ACOXL: variants seen among roughly 807,000 people sequenced by gnomAD.
ACOXL encodes acyl-CoA oxidase like.
ACOXL carries 70 observed loss-of-function variants against 71.9 expected under a neutral mutation model. The ratio of observed to expected loss-of-function variants is 0.97; its 90% CI spans 0.80 to 1.19. The LOEUF (loss-of-function observed/expected upper bound fraction) is 1.19, where lower values mean the gene tolerates loss of function less well. Ranked by LOEUF, ACOXL falls within the 50% of genes most tolerant of loss-of-function variation. ACOXL has a pLI of 0.00. For missense variants in ACOXL, 703 were observed against 736.3 expected (o/e 0.95, Z 0.52); for synonymous variants, 253 against 281.6 (o/e 0.90, Z 1.02).
intron 12 of ACOXL, among the ~76,000 whole-genome samples, chr2:110,952,612 A>G (rs1044542482): frequency 1.3e-5 from 2 of 151,972 alleles, no homozygotes; most frequent in African/African-American, 4.8e-5. Context: ...ATGCCCAGCT[A>G]ATTTTTAAAA....
chr2:110,750,660 T>C (rs1678816313), intron 1 of ACOXL, among the ~76,000 whole-genome samples: 1 of 149,516 alleles, frequency 6.7e-6, no homozygotes. Context: ...TATTTGTGTG[T>C]GTATGTGTAT....
At chr2:111,048,493 A>AG (rs1218363023) in intron 15 of ACOXL, among the ~76,000 whole-genome samples, 1 of 152,206 alleles carries the variant, frequency 6.6e-6, no homozygotes, top group African/African-American at 2.4e-5. Context: ...AGCCTACAGG[A>AG]GGGCAGTCTG....
chr2:110,896,151 G>T (rs1426148285), intron 10 of ACOXL, among the ~76,000 whole-genome samples: 1 of 152,080 alleles, frequency 6.6e-6, no homozygotes, highest in Non-Finnish European at 1.5e-5. Flanking sequence ...GTTTGAACTG[G>T]TAAAATTCTG....
chr2:110,806,287 G>C (rs1165727408), intron 9 of ACOXL, among the ~76,000 whole-genome samples: 1 of 152,234 alleles, frequency 6.6e-6, no homozygotes, highest in Non-Finnish European at 1.5e-5. Flanking sequence ...CGCGTACGCG[G>C]CCTGGCCTCG....
intron 14 of ACOXL, among the ~76,000 whole-genome samples, chr2:111,020,335 A>G (rs1432712883): frequency 6.6e-6 from 1 of 152,128 alleles, no homozygotes; most frequent in East Asian, 1.9e-4. Flanking sequence ...GCAGCATGTC[A>G]AAAGTTTCTG....
At chr2:110,986,695 G>A (rs879860112) in intron 12 of ACOXL, among the ~76,000 whole-genome samples, 1 of 152,154 alleles carries the variant, frequency 6.6e-6, no homozygotes, top group Admixed American at 6.5e-5. Flanking sequence ...GATAGAGATT[G>A]TTTTATTTGT....
At chr2:110,733,746 A>G (rs1023241421) in intron 1 of ACOXL, among the ~76,000 whole-genome samples, 1 of 152,028 alleles carries the variant, frequency 6.6e-6, no homozygotes, top group African/African-American at 2.4e-5. Flanking sequence ...TTGAAAAGTG[A>G]GAAGTGTGGG....
At chr2:111,110,797 T>G (rs1185660098) in intron 17 of ACOXL, among the ~76,000 whole-genome samples, 1 of 152,252 alleles carries the variant, frequency 6.6e-6, no homozygotes. Flanking sequence ...TTGTTCAGAT[T>G]CTTCAGTTTG....
intron 17 of ACOXL, among the ~76,000 whole-genome samples, chr2:111,115,801 T>C (rs4627572): frequency 0.44 from 66,517 of 152,094 alleles, 15,009 homozygotes; most frequent in Non-Finnish European, 0.48. Flanking sequence ...TTCATTTTTC[T>C]TCTCTAGGGT....
In ACOXL at chr2:110,807,815, C is replaced by T. The variant is rs576853786; in HGVS notation, c.753+2420C>T. 8.5e-5 allele frequency among the ~76,000 whole-genome samples: 13 copies of T among 152,334 alleles called. No homozygotes were observed. In the South Asian group the frequency reaches 2.5e-3, roughly 29 times the overall value. ...GGCTGAAACCTAAGATGGTCCTTCT[C>T]CTTCTGCTCTTGCTGATGAGTGGAA... On this transcript the variant is annotated intron_variant, in intron 9 of 17. Transcript: ENST00000439055.
At chr2:110,737,447 A>G (rs1207929874) in intron 1 of ACOXL, among the ~76,000 whole-genome samples, 1 of 152,300 alleles carries the variant, frequency 6.6e-6, no homozygotes, top group African/African-American at 2.4e-5. Flanking sequence ...ATCAGTATCC[A>G]GTGTTCACAT....
rs139004864 is a variant in ACOXL, at chr2:111,026,859, G to T, written c.1282-4768G>T. Among the ~76,000 whole-genome samples the T allele has an allele frequency of 2.3e-3, 354 of 152,232 alleles. 2 individuals are homozygous for T. The highest frequency in any genetic ancestry group is 8.1e-3 in the African/African-American group (338 of 41,546). ...GGGTGTCCTCAGAAAGCAAGAGGAG[G>T]AATGTGCAGTCTTTGTGTTTTGTTG... On this transcript the variant is annotated intron_variant, in intron 14 of 17. Transcript: ENST00000439055.
intron 9 of ACOXL, among the ~76,000 whole-genome samples, chr2:110,819,690 G>C (rs754901961): frequency 3.3e-5 from 5 of 152,180 alleles, no homozygotes; most frequent in Non-Finnish European, 5.9e-5. Context: ...CATTTGTTGA[G>C]TGCTGGACAT....
chr2:110,986,440 G>A (rs1273824926), intron 12 of ACOXL, among the ~76,000 whole-genome samples: 1 of 152,192 alleles, frequency 6.6e-6, no homozygotes, highest in Admixed American at 6.5e-5. Flanking sequence ...TTTTTCTGCT[G>A]CTCTGCTGGT....
intron 12 of ACOXL, chr2:110,968,326 G>A: frequency 8.3e-7 from 1 of 1,197,852 alleles, no homozygotes; most frequent in Non-Finnish European, 1.2e-6. Flanking sequence ...CTCCCTGAAG[G>A]GAGCTGTGGC....
chr2:110,984,554 A>G (rs2062847733), intron 12 of ACOXL, among the ~76,000 whole-genome samples: 1 of 152,250 alleles, frequency 6.6e-6, no homozygotes, highest in Non-Finnish European at 1.5e-5. Flanking sequence ...CTAGAAAAGG[A>G]GCAAAGATCC....
intron 13 of ACOXL, among the ~76,000 whole-genome samples, chr2:110,992,022 C>G (rs2063194271): frequency 6.6e-6 from 1 of 152,194 alleles, no homozygotes; most frequent in South Asian, 2.1e-4. Context: ...AAATCATCTG[C>G]CCTTTCGTTT....
At chr2:110,987,282 A>G in intron 13 of ACOXL, 65 bp downstream of exon 13, 2 of 1,427,288 alleles carry the variant, frequency 1.4e-6, no homozygotes, top group South Asian at 1.2e-5. Flanking sequence ...GAGTTCATAC[A>G]GCCTTGGCAT....
intron 13 of ACOXL, among the ~76,000 whole-genome samples, chr2:110,989,289 A>G (rs572890889): frequency 6.6e-6 from 1 of 152,182 alleles, no homozygotes; most frequent in South Asian, 2.1e-4. Flanking sequence ...ACATTTATTA[A>G]ATCTCCGTCT....
Sources: gnomAD v4.1 joint callset for allele counts (sites outside exome capture counted in the v4.1 genomes callset) on GRCh38, gnomAD v4.1.1 for gene constraint, MANE v1.5 for transcripts, NCBI Gene and HGNC (gene_info 2026-07-23, HGNC 2026-07-21) for gene names.